The following HOMER2 variants were observed in gnomAD, a reference collection of about 807,000 sequenced individuals.
HOMER2 encodes the protein homer protein homolog 2.
In HOMER2, 27 loss-of-function variants were observed where a neutral mutation model predicts 47.0. The observed-to-expected ratio is 0.57, with a 90% CI of 0.42 to 0.79. The LOEUF (loss-of-function observed/expected upper bound fraction) is 0.79. Ranked by LOEUF, HOMER2 falls within the 30% of genes least tolerant of loss-of-function variation. HOMER2 has a pLI of 0.00. For missense variants in HOMER2, 443 were observed against 435.0 expected, an observed-to-expected ratio of 1.02 and a Z score of -0.16; for synonymous variants, 161 against 163.8, an observed-to-expected ratio of 0.98 and a Z score of 0.13.
intron 1 of HOMER2, among the ~76,000 whole-genome samples, chr15:82,961,518 C>A (rs1040281202): frequency 6.6e-6 from 1 of 152,246 alleles, no homozygotes; most frequent in African/African-American, 2.4e-5. Context: ...ATCTACTTTA[C>A]TCAAGTATCC....
upstream of HOMER2, chr15:82,952,791 C>G (rs1179595772): frequency 1.2e-6 from 1 of 827,346 alleles, no homozygotes; most frequent in African/African-American, 1.9e-5. Context: ...TACCCCCGCC[C>G]GGCTCCTTAC....
intron 3 of HOMER2, among the ~76,000 whole-genome samples, chr15:82,874,481 G>A (rs2151068427): frequency 6.6e-6 from 1 of 152,314 alleles, no homozygotes; most frequent in South Asian, 2.1e-4. Context: ...GCCTCTCAGA[G>A]GCGATCAGTT....
chr15:82,857,590 C>T (rs1267959448), intron 5 of HOMER2, among the ~76,000 whole-genome samples: 1 of 151,940 alleles, frequency 6.6e-6, no homozygotes, highest in Non-Finnish European at 1.5e-5. Flanking sequence ...ATCACCGTGC[C>T]CGGCCAATTT....
intron 1 of HOMER2, among the ~76,000 whole-genome samples, chr15:82,898,772 A>G (rs1409620601): frequency 6.6e-6 from 1 of 152,236 alleles, no homozygotes; most frequent in African/African-American, 2.4e-5. Context: ...GCAAAGAAAC[A>G]AGAGAGAGAG....
chr15:82,962,998 G>T (rs1229518433), intron 1 of HOMER2, among the ~76,000 whole-genome samples: 1 of 152,144 alleles, frequency 6.6e-6, no homozygotes, highest in African/African-American at 2.4e-5. Context: ...AGGCCTTGCC[G>T]GCTGGGCACA....
chr15:82,915,801 G>A (rs2053575502), intron 1 of HOMER2, among the ~76,000 whole-genome samples: 1 of 152,200 alleles, frequency 6.6e-6, no homozygotes, highest in South Asian at 2.1e-4. Context: ...TCACTGAAGA[G>A]CTGCTTATTA....
At chr15:82,846,112 C>T (rs2051243857), downstream of HOMER2, 1 of 152,410 alleles carries the variant, frequency 6.6e-6, no homozygotes, top group Non-Finnish European at 1.5e-5. Flanking sequence ...CCCAGAAAGC[C>T]AGAAAGGAGT....
chr15:82,936,464 A>C (rs913315046), intron 1 of HOMER2, among the ~76,000 whole-genome samples: 1 of 152,208 alleles, frequency 6.6e-6, no homozygotes, highest in African/African-American at 2.4e-5. Flanking sequence ...TGTTGAAATG[A>C]TACTATTTTT....
At chr15:82,970,475 T>A (rs75220447) in intron 1 of HOMER2, among the ~76,000 whole-genome samples, 4,789 of 152,356 alleles carry the variant, frequency 0.031, 94 homozygotes, top group Middle Eastern at 0.058. Context: ...CACTGACTCA[T>A]AATTCTTTTT....
At chr15:82,896,721 G>C (rs111621698) in intron 1 of HOMER2, among the ~76,000 whole-genome samples, 1 of 59,850 alleles carries the variant, frequency 1.7e-5, no homozygotes, top group African/African-American at 4.0e-5. Context: ...TGGGCAAACA[G>C]GGGAGGATTG....
intron 2 of HOMER2, among the ~76,000 whole-genome samples, chr15:82,891,648 A>G (rs2052709749): frequency 6.6e-6 from 1 of 152,208 alleles, no homozygotes; most frequent in Middle Eastern, 3.4e-3. Flanking sequence ...GTTGCATAGG[A>G]AGGCTGATCT....
intron 1 of HOMER2, among the ~76,000 whole-genome samples, chr15:82,946,676 T>C (rs2054389600): frequency 6.6e-6 from 1 of 152,204 alleles, no homozygotes; most frequent in African/African-American, 2.4e-5. Flanking sequence ...TATTGCTATG[T>C]AATAAACTGT....
At chr15:82,848,088 C>T (rs2051278290), downstream of HOMER2, among the ~76,000 whole-genome samples, 1 of 152,202 alleles carries the variant, frequency 6.6e-6, no homozygotes, top group African/African-American at 2.4e-5. Flanking sequence ...GCTCCAGATG[C>T]CCAGCCTTCC....
At chr15:82,974,509 C>T (rs1049398582) in intron 1 of HOMER2, among the ~76,000 whole-genome samples, 15 of 152,114 alleles carry the variant, frequency 9.9e-5, no homozygotes, top group African/African-American at 2.2e-4. Flanking sequence ...AGTCAATACA[C>T]GACAATGTCT....
At chr15:82,836,908 T>A (rs1435344109), downstream of HOMER2, 2 of 152,216 alleles carry the variant, frequency 1.3e-5, no homozygotes, top group Non-Finnish European at 2.9e-5. Context: ...GTGCATTGGT[T>A]TTCTATTGCT....
In HOMER2 at chr15:82,854,760, G is replaced by C. The variant is rs752308964; in HGVS notation, c.535C>G (p.Leu179Val). 2.5e-6 allele frequency: 4 copies of C among 1,611,710 alleles called. No homozygotes were observed. The highest frequency in any genetic ancestry group is 2.2e-5 in the East Asian group (1 of 44,880). The change falls in exon 6 of 9, where the codon CTT becomes GTT. Residue 179 changes from leucine (L) to valine (V), a missense_variant. Coordinates refer to ENST00000450735, the MANE Select transcript of HOMER2 (RefSeq NM_004839.4). Reference protein sequence around the residue: ...VKKWEIELQTLRESNARLTTA... With the variant: ...VKKWEIELQTVRESNARLTTA... ...GTCAGCCGTGCATTGCTCTCCCGAA[G>C]GGTCTGCAGCTCGATCTCCCACTTC...
chr15:82,862,716 C>A (rs17359001), intron 4 of HOMER2, among the ~76,000 whole-genome samples: 5 of 151,978 alleles, frequency 3.3e-5, no homozygotes, highest in Admixed American at 3.3e-4. Flanking sequence ...TACCTGAAAT[C>A]GAATTCACAT....
chr15:82,930,678 G>A (rs536992901), intron 1 of HOMER2, among the ~76,000 whole-genome samples: 1 of 152,360 alleles, frequency 6.6e-6, no homozygotes, highest in South Asian at 2.1e-4. Context: ...GGCCAGCTAA[G>A]AATTCACTGT....
At position 82,952,712 on chromosome 15, in the gene HOMER2, G is replaced by T; in HGVS notation, c.-177C>A. Reference sequence around the variant, plus strand: ...CACTGCTGCCACTGCCGCCACCGCCGCCAGGCGCGGGCGGGCGGGGGCTGG... The same window carrying T: ...CACTGCTGCCACTGCCGCCACCGCCTCCAGGCGCGGGCGGGCGGGGGCTGG... On this transcript the variant is annotated 5_prime_UTR_variant, in exon 1 of 9. Transcript: ENST00000450735. 1 of 982,476 alleles carries T rather than the reference G, an allele frequency of 1.0e-6. No homozygotes were observed. The highest frequency in any genetic ancestry group is 4.7e-5 in the South Asian group (1 of 21,446). The allele number at this position is 982,476 out of a possible 1,614,324, so 60.9% of individuals were successfully genotyped here.
Sources: gnomAD v4.1 joint callset for allele counts (sites outside exome capture counted in the v4.1 genomes callset) on GRCh38, gnomAD v4.1.1 for gene constraint, MANE v1.5 for transcripts, NCBI Gene and HGNC (gene_info 2026-07-23, HGNC 2026-07-21) for gene names.